Variants in MDGA2 observed in about 807,000 individuals in gnomAD.
The protein encoded by MDGA2 is MAM domain containing glycosylphosphatidylinositol anchor 2.
A neutral mutation model predicts 117.8 loss-of-function variants in MDGA2; 40 were observed. The observed-to-expected ratio is 0.34, with a 90% CI of 0.26 to 0.44. The LOEUF is 0.44. Ranked by LOEUF, MDGA2 falls within the 20% of genes least tolerant of loss-of-function variation. The probability of loss-of-function intolerance (pLI) is 1.00; values close to 1 mark genes in which losing one functional copy is unlikely to be tolerated. For synonymous variants in MDGA2, 452 were observed against 439.0 expected, an observed-to-expected ratio of 1.03 and a Z score of -0.37; for missense variants, 1,123 against 1,250.6, an observed-to-expected ratio of 0.90 and a Z score of 1.54.
intron 2 of MDGA2, among the ~76,000 whole-genome samples, chr14:47,253,338 A>T (rs1191339533): frequency 6.6e-6 from 1 of 152,226 alleles, no homozygotes; most frequent in Non-Finnish European, 1.5e-5. Flanking sequence ...TTAGCCTGTA[A>T]AATCAAATGC....
At chr14:47,211,937 G>C (rs556723274) in intron 3 of MDGA2, among the ~76,000 whole-genome samples, 3 of 152,098 alleles carry the variant, frequency 2.0e-5, no homozygotes, top group African/African-American at 7.2e-5. Context: ...TTGTCACTTT[G>C]TCTTCTTAAG....
At chr14:47,069,370 C>T (rs920837489) in intron 6 of MDGA2, among the ~76,000 whole-genome samples, 11 of 152,140 alleles carry the variant, frequency 7.2e-5, no homozygotes, top group Non-Finnish European at 1.5e-4. Context: ...TAGGATATAA[C>T]GTTTAAGAAA....
chr14:47,260,546 T>C (rs750413736), intron 2 of MDGA2, among the ~76,000 whole-genome samples: 25 of 152,220 alleles, frequency 1.6e-4, no homozygotes, highest in Middle Eastern at 3.4e-3. Flanking sequence ...CACAGTGTAA[T>C]TTTTAAAGGT....
intron 5 of MDGA2, among the ~76,000 whole-genome samples, chr14:47,129,456 G>T (rs1401688683): frequency 1.3e-5 from 2 of 151,722 alleles, no homozygotes; most frequent in African/African-American, 2.4e-5. Context: ...ATTCCATGGT[G>T]TATATGTGCC....
At chr14:47,264,306 A>C in intron 2 of MDGA2, among the ~76,000 whole-genome samples, 1 of 152,172 alleles carries the variant, frequency 6.6e-6, no homozygotes, top group East Asian at 1.9e-4. Context: ...ATAAACAAAA[A>C]ATAATAGAGC....
At chr14:47,559,708 G>A (rs1895759245) in intron 1 of MDGA2, among the ~76,000 whole-genome samples, 1 of 151,880 alleles carries the variant, frequency 6.6e-6, no homozygotes, top group South Asian at 2.1e-4. Context: ...GAGTAGCTAG[G>A]ATTACAGGTG....
chr14:47,268,282 C>T (rs1360672163), intron 2 of MDGA2, among the ~76,000 whole-genome samples: 68 of 151,952 alleles, frequency 4.5e-4, no homozygotes, highest in Admixed American at 4.5e-3. Flanking sequence ...ACCATGTTGG[C>T]CAGGATGGTC....
intron 1 of MDGA2, among the ~76,000 whole-genome samples, chr14:47,611,565 T>G (rs915282139): frequency 1.3e-5 from 2 of 151,996 alleles, no homozygotes; most frequent in Non-Finnish European, 2.9e-5. Context: ...GAGACAATTC[T>G]CAAAAGAAGA....
intron 2 of MDGA2, among the ~76,000 whole-genome samples, chr14:47,225,998 A>C (rs1886481110): frequency 6.6e-6 from 1 of 151,950 alleles, no homozygotes; most frequent in South Asian, 2.1e-4. Flanking sequence ...TAATAGAAAA[A>C]GGGAGCCTGG....
chr14:47,329,357 GGAAGT>G lies in MDGA2; in HGVS notation c.281-27812_281-27808del, dbSNP rs148433780. ...AAGAAAAAAAGACAAAAGGAAGAAGGGAAGTGAAGAAAATAAAAGAAAGAAAAGAA... is the reference window on the plus strand; with the variant it reads ...AAGAAAAAAAGACAAAAGGAAGAAGGGAAGAAAATAAAAGAAAGAAAAGAA... On this transcript the variant is annotated intron_variant, in intron 1 of 16. Coordinates refer to ENST00000399232, the MANE Select transcript of MDGA2 (RefSeq NM_001113498.3). 2.9e-3 allele frequency among the ~76,000 whole-genome samples: 447 copies of G among 152,076 alleles called. 1 individual carries two copies. Among genetic ancestry groups the G allele is most frequent in the African/African-American group, 0.01 (429 of 41,522 alleles).
intron 1 of MDGA2, among the ~76,000 whole-genome samples, chr14:47,440,067 T>C (rs1892975056): frequency 2.0e-5 from 3 of 152,066 alleles, no homozygotes; most frequent in South Asian, 4.2e-4. Context: ...TGCAGGAGTA[T>C]AGGCAGCACA....
chr14:47,291,281 A>G (rs72682134), intron 2 of MDGA2, among the ~76,000 whole-genome samples: 13,893 of 152,204 alleles, frequency 0.091, 783 homozygotes, highest in Non-Finnish European at 0.11. Flanking sequence ...CCAAAGGTCT[A>G]TCTTATTCTG....
intron 1 of MDGA2, among the ~76,000 whole-genome samples, chr14:47,549,343 A>ATCTCTCTCTCTCTGTC (rs1555331367): frequency 7.1e-5 from 10 of 140,112 alleles, no homozygotes; most frequent in Non-Finnish European, 1.5e-4. Flanking sequence ...CACCAGTATT[A>ATCTCTCTCTCTCTGTC]TCTCTCTCTC....
chr14:46,893,179 T>C (rs1882946831), intron 10 of MDGA2, among the ~76,000 whole-genome samples: 1 of 151,840 alleles, frequency 6.6e-6, no homozygotes, highest in Non-Finnish European at 1.5e-5. Context: ...AAAAACAAGG[T>C]ACTGCTATTT....
intron 1 of MDGA2, among the ~76,000 whole-genome samples, chr14:47,361,249 A>AT (rs1891118349): frequency 6.2e-4 from 1 of 1,624 alleles, no homozygotes; most frequent in Non-Finnish European, 0.029. Flanking sequence ...ATTACAACAC[A>AT]CAAATAAACA....
intron 2 of MDGA2, among the ~76,000 whole-genome samples, chr14:47,249,637 CA>C (rs1887378642): frequency 6.6e-6 from 1 of 152,130 alleles, no homozygotes; most frequent in African/African-American, 2.4e-5. Context: ...CATGTTTGAC[CA>C]CAATTCTTAT....
Position 47,096,981 on chromosome 14 carries a change from CT to C in MDGA2, c.1067del (p.Lys356ArgfsTer4). 1 of 1,613,304 alleles carries C rather than the reference CT, an allele frequency of 6.2e-7. No homozygotes were observed. On this transcript the variant is annotated frameshift_variant, in exon 6 of 17. Coordinates refer to ENST00000399232, the MANE Select transcript of MDGA2 (RefSeq NM_001113498.3). LOFTEE classifies it high-confidence loss of function. ...WVRSFGTLPEKTVLNGGTLTI... is the reference protein window; with the variant it reads ...WVRSFGTLPEXTVLNGGTLTI... ...TCAAAGTTCCTCCATTCAAAACAGT[CT>C]TTTCAGGCAGAGTCCCAAAGGACCT...
At chr14:47,013,772 G>GTATATATATATATA (rs71448157) in intron 8 of MDGA2, among the ~76,000 whole-genome samples, 2,213 of 93,470 alleles carry the variant, frequency 0.024, 175 homozygotes, top group East Asian at 0.04. Context: ...TAATTTCCTT[G>GTATATATATATATA]TATATATATA....
intron 6 of MDGA2, among the ~76,000 whole-genome samples, chr14:47,077,421 T>C (rs1271090001): frequency 2.0e-5 from 3 of 152,154 alleles, no homozygotes; most frequent in Admixed American, 6.5e-5. Context: ...TTTTCATAGC[T>C]GTATTACTGT....
Sources: gnomAD v4.1 joint callset for allele counts (sites outside exome capture counted in the v4.1 genomes callset) on GRCh38, gnomAD v4.1.1 for gene constraint, MANE v1.5 for transcripts, NCBI Gene and HGNC (gene_info 2026-07-23, HGNC 2026-07-21) for gene names.